The following EMP1 variants were observed in gnomAD, a reference collection of about 807,000 sequenced individuals.
The protein encoded by EMP1 is epithelial membrane protein 1, also known as tumor-associated membrane protein.
In EMP1, 5 loss-of-function variants were observed where a neutral mutation model predicts 15.7. The observed-to-expected ratio is 0.32, with a 90% CI of 0.17 to 0.67. The LOEUF (loss-of-function observed/expected upper bound fraction) is 0.67, where lower values mean the gene tolerates loss of function less well. EMP1 is among the 30% of genes least tolerant of loss of function. EMP1 has a pLI of 0.74. For missense variants in EMP1, 166 were observed against 194.2 expected, an observed-to-expected ratio of 0.85 and a Z score of 0.86; for synonymous variants, 78 against 76.7, an observed-to-expected ratio of 1.02 and a Z score of -0.09.
In EMP1 at chr12:13,218,380, T is replaced by C. The variant is rs1864232763; in HGVS notation, c.*3689T>C. 1 of 152,244 alleles carries C rather than the reference T, an allele frequency of 6.6e-6. No homozygotes were observed. The allele number at this position is 152,244 out of a possible 1,614,324, so 9.4% of individuals were successfully genotyped here. On this transcript the variant is annotated 3_prime_UTR_variant, in exon 5 of 5. Transcript: ENST00000256951. Reference sequence around the variant, plus strand: ...ACTAAGAAATAGTTAGAATATAGCATATCCTGTATAGATGAAATGTCCTAG... The same window carrying C: ...ACTAAGAAATAGTTAGAATATAGCACATCCTGTATAGATGAAATGTCCTAG...
rs145373663 is a variant in EMP1, at chr12:13,216,667, G to C, written c.*1976G>C. ...TACTCTGGTGGATTGTTCTAGTACTGTATTGGGCTTCTTCGTTAATAGATT... is the reference window on the plus strand; with the variant it reads ...TACTCTGGTGGATTGTTCTAGTACTCTATTGGGCTTCTTCGTTAATAGATT... On this transcript the variant is annotated 3_prime_UTR_variant, in exon 5 of 5. Transcript: ENST00000256951. 1 of 510,612 alleles carries C rather than the reference G, an allele frequency of 2.0e-6. No homozygotes were observed. The highest frequency in any genetic ancestry group is 2.0e-5 in the African/African-American group (1 of 50,462). The allele number at this position is 510,612 out of a possible 1,614,324, so 31.6% of individuals were successfully genotyped here.
At chr12:13,200,246 C>T (rs1459640664) in intron 1 of EMP1, among the ~76,000 whole-genome samples, 1 of 152,146 alleles carries the variant, frequency 6.6e-6, no homozygotes, top group Non-Finnish European at 1.5e-5. Context: ...AATACCAGGA[C>T]ACAGGCTTCT....
intron 1 of EMP1, among the ~76,000 whole-genome samples, chr12:13,210,691 G>GC (rs1172698546): frequency 6.6e-6 from 1 of 152,194 alleles, no homozygotes; most frequent in East Asian, 1.9e-4. Context: ...TACTTTTAAA[G>GC]CCCCCAGAAC....
At chr12:13,199,250 TC>T (rs1482087862) in intron 1 of EMP1, 7 of 152,496 alleles carry the variant, frequency 4.6e-5, no homozygotes, top group Admixed American at 4.6e-4. Flanking sequence ...CACTGTGCCT[TC>T]CTCAGCCCTT....
rs1216158493 is a variant in EMP1, at chr12:13,217,363, C to T, written c.*2672C>T. On this transcript the variant is annotated 3_prime_UTR_variant, in exon 5 of 5. Transcript: ENST00000256951. The stretch of plus-strand genomic sequence containing the variant: ...AGGGTTTTAATGTGAAGCAGGCAAT[C>T]TTCCAGCCCCTTCTGGTCTTGGATG... The T allele has an allele frequency of 6.6e-6, 1 of 152,200 alleles. No individual in the cohort carries two copies. The highest frequency in any genetic ancestry group is 6.5e-5 in the Admixed American group (1 of 15,286). 9.4% of individuals were successfully genotyped at this position (152,200 alleles called of 1,614,324 possible).
intron 1 of EMP1, among the ~76,000 whole-genome samples, chr12:13,209,899 G>A (rs146934103): frequency 3.7e-4 from 56 of 152,260 alleles, no homozygotes; most frequent in Non-Finnish European, 6.6e-4. Flanking sequence ...CAGGATAAAC[G>A]TCATAATTTT....
At chr12:13,212,279 T>C (rs1157607083) in intron 2 of EMP1, among the ~76,000 whole-genome samples, 1 of 152,172 alleles carries the variant, frequency 6.6e-6, no homozygotes, top group African/African-American at 2.4e-5. Context: ...TAGTGGTGGC[T>C]TACAGCGCCC....
At chr12:13,203,341 G>A (rs1292636150) in intron 1 of EMP1, among the ~76,000 whole-genome samples, 3 of 152,212 alleles carry the variant, frequency 2.0e-5, no homozygotes, top group Non-Finnish European at 4.4e-5. Context: ...AACATCGCCT[G>A]ATCCCTTGAC....
chr12:13,211,352 G>C lies in EMP1; in HGVS notation c.-42-117G>C, dbSNP rs1237584133. The C allele has an allele frequency of 5.5e-6, 4 of 721,106 alleles. No homozygotes were observed. Among genetic ancestry groups the C allele is most frequent in the African/African-American group, 5.4e-5 (3 of 55,672 alleles). The allele number at this position is 721,106 out of a possible 1,614,324, so 44.7% of individuals were successfully genotyped here. On this transcript the variant is annotated intron_variant, in intron 1 of 4. Transcript: ENST00000256951. The surrounding 1 kb of genome is among the most constrained non-coding windows in gnomAD (Gnocchi z 4.7). ...TTTCAGGAATTTATGATTAGATTGTGATGGTTTTTAGTGCAGCTCTTCCTC... is the reference window on the plus strand; with the variant it reads ...TTTCAGGAATTTATGATTAGATTGTCATGGTTTTTAGTGCAGCTCTTCCTC...
chr12:13,209,877 C>T (rs1864149151), intron 1 of EMP1, among the ~76,000 whole-genome samples: 1 of 152,166 alleles, frequency 6.6e-6, no homozygotes, highest in Non-Finnish European at 1.5e-5. Flanking sequence ...TCCAACCTCT[C>T]CCCTGAAGAG....
At position 13,216,671 on chromosome 12, in the gene EMP1, T is replaced by G; in HGVS notation, c.*1980T>G. Reference sequence around the variant, plus strand: ...CTGGTGGATTGTTCTAGTACTGTATTGGGCTTCTTCGTTAATAGATTATTT... The same window carrying G: ...CTGGTGGATTGTTCTAGTACTGTATGGGGCTTCTTCGTTAATAGATTATTT... On this transcript the variant is annotated 3_prime_UTR_variant, in exon 5 of 5. Coordinates refer to ENST00000256951, the MANE Select transcript of EMP1 (RefSeq NM_001423.3). 3.9e-6 allele frequency: 2 copies of G among 514,162 alleles called. No homozygotes were observed. Among genetic ancestry groups the G allele is most frequent in the Non-Finnish European group, 6.8e-6 (2 of 294,376 alleles). The allele number at this position is 514,162 out of a possible 1,614,324, so 31.8% of individuals were successfully genotyped here.
intron 1 of EMP1, among the ~76,000 whole-genome samples, chr12:13,204,550 G>A (rs1167991025): frequency 2.0e-5 from 3 of 152,172 alleles, no homozygotes; most frequent in African/African-American, 4.8e-5. Flanking sequence ...CCCGACTTGC[G>A]CAGAGGACAG....
chr12:13,201,687 T>C lies in EMP1; in HGVS notation c.-43+4815T>C, dbSNP rs145688969. Reference sequence around the variant, plus strand: ...TCTTTAGGTATGGTGTTCCCCGGACTTACCCTCAGCCATGAGCATTCACTC... The same window carrying C: ...TCTTTAGGTATGGTGTTCCCCGGACCTACCCTCAGCCATGAGCATTCACTC... On this transcript the variant is annotated intron_variant, in intron 1 of 4. Coordinates refer to ENST00000256951, the MANE Select transcript of EMP1 (RefSeq NM_001423.3). 2.0e-4 allele frequency among the ~76,000 whole-genome samples: 31 copies of C among 152,264 alleles called. No homozygotes were observed. In the East Asian group the frequency reaches 2.7e-3, roughly 13 times the overall value.
At chr12:13,209,609 G>C (rs1008373421) in intron 1 of EMP1, 1 of 152,138 alleles carries the variant, frequency 6.6e-6, no homozygotes, top group African/African-American at 2.4e-5. Context: ...CAGACACTAG[G>C]TGTTTTACAT....
At chr12:13,202,887 G>GA (rs1340732728) in intron 1 of EMP1, among the ~76,000 whole-genome samples, 4 of 152,146 alleles carry the variant, frequency 2.6e-5, no homozygotes, top group Admixed American at 6.5e-5. Context: ...AGACAGGAGA[G>GA]AAAAAATCAT....
chr12:13,200,511 C>T (rs539226178), intron 1 of EMP1, among the ~76,000 whole-genome samples: 2 of 152,182 alleles, frequency 1.3e-5, no homozygotes, highest in South Asian at 2.1e-4. Flanking sequence ...CCCAGGTGAT[C>T]TTGAATTTCT....
intron 1 of EMP1, among the ~76,000 whole-genome samples, chr12:13,200,203 T>C (rs1864052232): frequency 6.6e-6 from 1 of 152,192 alleles, no homozygotes; most frequent in African/African-American, 2.4e-5. Flanking sequence ...ACACCCAGTG[T>C]TGCTACCTAC....
chr12:13,200,414 T>C (rs2121143202), intron 1 of EMP1, among the ~76,000 whole-genome samples: 1 of 152,354 alleles, frequency 6.6e-6, no homozygotes, highest in South Asian at 2.1e-4. Flanking sequence ...TATCAGCCCC[T>C]TGAGAAGAGC....
chr12:13,197,563 G>A (rs186838418), intron 1 of EMP1, among the ~76,000 whole-genome samples: 3,382 of 152,144 alleles, frequency 0.022, 174 homozygotes, highest in Admixed American at 0.1. Context: ...ATCACCTGAG[G>A]TCAGGAGTTC....
Sources: gnomAD v4.1 joint callset for allele counts (sites outside exome capture counted in the v4.1 genomes callset) on GRCh38, gnomAD v4.1.1 for gene constraint, Gnocchi (gnomAD v3.1) non-coding constraint, MANE v1.5 for transcripts, NCBI Gene and HGNC (gene_info 2026-07-23, HGNC 2026-07-21) for gene names.